GATA6: variants seen among roughly 807,000 people sequenced by gnomAD.
The protein encoded by GATA6 is transcription factor GATA-6.
A neutral mutation model predicts 48.1 loss-of-function variants in GATA6; 11 were observed. That is an observed-to-expected ratio of 0.23 (90% CI 0.14 to 0.38). The LOEUF (loss-of-function observed/expected upper bound fraction) is 0.38. Ranked by LOEUF, GATA6 falls within the 10% of genes least tolerant of loss-of-function variation. GATA6 has a pLI of 1.00. For missense variants in GATA6, 795 were observed against 850.3 expected, an observed-to-expected ratio of 0.93 and a Z score of 0.81; for synonymous variants, 419 against 396.1, an observed-to-expected ratio of 1.06 and a Z score of -0.69.
chr18:22,200,081 A>G (rs911519538), intron 6 of GATA6, among the ~76,000 whole-genome samples: 2 of 152,152 alleles, frequency 1.3e-5, no homozygotes, highest in East Asian at 3.9e-4. Context: ...CATGAAGTCA[A>G]TGTTCAAAAA....
rs1468667356 is a variant in GATA6, at chr18:22,202,249, T to C, written c.*1426T>C. On this transcript the variant is annotated 3_prime_UTR_variant, in exon 7 of 7. Coordinates refer to ENST00000269216, the MANE Select transcript of GATA6 (RefSeq NM_005257.6). ...TATTATATTTGAGATGATAAGCATT[T>C]TGTTTGGGAACAATGCTTAAAAATA... 6.6e-6 allele frequency: 1 copy of C among 152,220 alleles called. No homozygotes were observed. The highest frequency in any genetic ancestry group is 1.5e-5 in the Non-Finnish European group (1 of 68,048). 9.4% of individuals were successfully genotyped at this position (152,220 alleles called of 1,614,324 possible).
At chr18:22,191,569 T>C (rs1348624733) in intron 6 of GATA6, among the ~76,000 whole-genome samples, 2 of 152,228 alleles carry the variant, frequency 1.3e-5, no homozygotes, top group African/African-American at 4.8e-5. Flanking sequence ...GAAGAGTTAC[T>C]AGCAGTATGA....
intron 6 of GATA6, among the ~76,000 whole-genome samples, chr18:22,197,043 A>G (rs964461136): frequency 3.3e-5 from 5 of 151,792 alleles, no homozygotes; most frequent in Non-Finnish European, 5.9e-5. Context: ...CTGTTCTCAG[A>G]CACTGTTACA....
chr18:22,179,805 G>A (rs977733283), intron 3 of GATA6, among the ~76,000 whole-genome samples: 9 of 152,190 alleles, frequency 5.9e-5, no homozygotes, highest in South Asian at 2.1e-4. Context: ...AAGGCAAATT[G>A]ATTCTTAGCA....
At chr18:22,169,875 CTT>C (rs2143269231) in intron 1 of GATA6, among the ~76,000 whole-genome samples, 193 bp downstream of exon 1, 1 of 152,342 alleles carries the variant, frequency 6.6e-6, no homozygotes, top group Admixed American at 6.5e-5. Flanking sequence ...CTTCTAGTCT[CTT>C]TTTCTCTCCT....
Position 22,182,972 on chromosome 18 carries a change from A to G in GATA6, c.1549A>G (p.Thr517Ala), listed in dbSNP as rs1471948576. 1.2e-6 allele frequency: 2 copies of G among 1,613,992 alleles called. No homozygotes were observed. The highest frequency in any genetic ancestry group is 1.1e-5 in the South Asian group (1 of 91,092). The change falls in exon 6 of 7, where the codon ACT becomes GCT. Residue 517 changes from threonine to alanine, a missense_variant. Physicochemically the swap from Thr to Ala is moderately conservative, Grantham distance 58. This residue lies in a region of GATA6 where 103 missense variants were observed against 103.7 expected (regional missense o/e 0.99). Coordinates refer to ENST00000269216, the MANE Select transcript of GATA6 (RefSeq NM_005257.6). ...NSNNSIPMTPTSTSSNSDDCS... is the reference protein window; with the variant it reads ...NSNNSIPMTPASTSSNSDDCS... ...CAATAATTCCATTCCCATGACTCCAACTTCCACCTCTTCTAACTCAGATGA... is the reference window on the plus strand; with the variant it reads ...CAATAATTCCATTCCCATGACTCCAGCTTCCACCTCTTCTAACTCAGATGA...
chr18:22,197,711 C>T (rs1680100452), intron 6 of GATA6, among the ~76,000 whole-genome samples: 1 of 152,158 alleles, frequency 6.6e-6, no homozygotes, highest in Non-Finnish European at 1.5e-5. Flanking sequence ...ATGTGAGGAC[C>T]CAGGCACAGA....
intron 4 of GATA6, among the ~76,000 whole-genome samples, 183 bp downstream of exon 4, chr18:22,181,761 C>T (rs2033198701): frequency 6.6e-6 from 1 of 152,040 alleles, no homozygotes; most frequent in African/African-American, 2.4e-5. Flanking sequence ...ATTGAAGGTG[C>T]TTTTAATTAT....
chr18:22,180,264 T>G (rs2033176542), intron 3 of GATA6: 1 of 152,226 alleles, frequency 6.6e-6, no homozygotes, highest in East Asian at 1.9e-4. Flanking sequence ...TTAAAGTAAT[T>G]TACAGCATTT....
intron 6 of GATA6, among the ~76,000 whole-genome samples, chr18:22,192,716 TTAGAA>T (rs1860877429): frequency 6.6e-6 from 1 of 152,240 alleles, no homozygotes; most frequent in Admixed American, 6.5e-5. Context: ...AATTTGAAGA[TTAGAA>T]TAGTGTAATT....
At chr18:22,190,087 G>A (rs2033309120) in intron 6 of GATA6, among the ~76,000 whole-genome samples, 1 of 152,140 alleles carries the variant, frequency 6.6e-6, no homozygotes, top group African/African-American at 2.4e-5. Context: ...TAAAGAAATT[G>A]GACTAGTTTG....
intron 4 of GATA6, 135 bp downstream of exon 4, chr18:22,181,713 TTAATA>T: frequency 1.1e-6 from 1 of 881,468 alleles, no homozygotes; most frequent in Non-Finnish European, 1.8e-6. Flanking sequence ...CTGAATATGT[TTAATA>T]TATTCAGTGT....
chr18:22,180,689 T>TTA (rs1555629437), intron 3 of GATA6, among the ~76,000 whole-genome samples: 3 of 150,754 alleles, frequency 2.0e-5, no homozygotes, highest in African/African-American at 2.4e-5. Flanking sequence ...TTTTTTTTTT[T>TTA]AAAAAAAACT....
Position 22,182,881 on chromosome 18 carries a change from T to C in GATA6, c.1516+37T>C, listed in dbSNP as rs1246720783. ...AAAATGACGTTTGACTGTAAAGTATTTGCCAACCTTAACAGTAGAGCATAT... is the reference window on the plus strand; with the variant it reads ...AAAATGACGTTTGACTGTAAAGTATCTGCCAACCTTAACAGTAGAGCATAT... On this transcript the variant is annotated intron_variant, in intron 5 of 6. Transcript: ENST00000269216. 3 of 1,597,032 alleles carry C rather than the reference T, an allele frequency of 1.9e-6. No homozygotes were observed. In the Admixed American group the frequency reaches 5.0e-5, roughly 27 times the overall value.
rs1598741108 is a variant in GATA6 at position 22,192,485 on chromosome 18, G to A, written c.1621-8171G>A. Among the ~76,000 whole-genome samples, 8 of 152,104 alleles carry A rather than the reference G, an allele frequency of 5.3e-5. No individual in the cohort carries two copies. In the South Asian group the frequency reaches 1.7e-3, roughly 32 times the overall value. On this transcript the variant is annotated intron_variant, in intron 6 of 6. Coordinates refer to ENST00000269216, the MANE Select transcript of GATA6 (RefSeq NM_005257.6). Reference sequence around the variant, plus strand: ...GAAAGTAACCACATTTTAGAGATTTGTATTTCACTGATAGCAAATTTTTTA... The same window carrying A: ...GAAAGTAACCACATTTTAGAGATTTATATTTCACTGATAGCAAATTTTTTA...
rs2033197505 is a variant in GATA6, at chr18:22,181,639, A to C, written c.1428+61A>C. ...TAGTATCTGGTTTGTATGTGATATC[A>C]GTTACAAAGAATCAGCAAATGAAAG... On this transcript the variant is annotated intron_variant, in intron 4 of 6. Transcript: ENST00000269216. The C allele has an allele frequency of 2.5e-6, 4 of 1,586,828 alleles. No homozygotes were observed. The South Asian group carries it at 3.3e-5, about 13-fold the overall frequency.
In GATA6 at chr18:22,201,744, AC is replaced by A. The variant is rs1325479977; in HGVS notation, c.*926del. Reference sequence around the variant, plus strand: ...AATTTTTATACAAGAACACCAATATACCCCCTTTATTTTACTGTGGAATATG... The same window carrying A: ...AATTTTTATACAAGAACACCAATATACCCCTTTATTTTACTGTGGAATATG... On this transcript the variant is annotated 3_prime_UTR_variant, in exon 7 of 7. Coordinates refer to ENST00000269216, the MANE Select transcript of GATA6 (RefSeq NM_005257.6). The A allele has an allele frequency of 6.6e-6, 1 of 152,572 alleles. No homozygotes were observed. The highest frequency in any genetic ancestry group is 6.5e-5 in the Admixed American group (1 of 15,274). The allele number at this position is 152,572 out of a possible 1,614,324, so 9.5% of individuals were successfully genotyped here.
intron 6 of GATA6, among the ~76,000 whole-genome samples, chr18:22,189,103 G>T (rs1301740502): frequency 6.6e-6 from 1 of 152,128 alleles, no homozygotes; most frequent in Admixed American, 6.5e-5. Context: ...GTAAATAGGC[G>T]TCATCGTTCC....
At position 22,170,443 on chromosome 18, in the gene GATA6, A is replaced by T. The variant is rs938740471; in HGVS notation, c.-37-665A>T. Among the ~76,000 whole-genome samples, 19 of 152,070 alleles carry T rather than the reference A, an allele frequency of 1.2e-4. No individual in the cohort carries two copies. Among genetic ancestry groups the T allele is most frequent in the African/African-American group, 4.3e-4 (18 of 41,398 alleles). ...ATTGCCTCTGCTGGGAAGGACCCAGACTGCTGCCCCCGCCCTGGCGTCCCA... is the reference window on the plus strand; with the variant it reads ...ATTGCCTCTGCTGGGAAGGACCCAGTCTGCTGCCCCCGCCCTGGCGTCCCA... On this transcript the variant is annotated intron_variant, in intron 1 of 6. Transcript: ENST00000269216. This position sits in a 1 kb window ranked among gnomAD's most constrained non-coding sequence, Gnocchi z 6.7.
Sources: allele counts gnomAD v4.1 joint callset (sites outside exome capture counted in the v4.1 genomes callset), GRCh38; gene constraint gnomAD v4.1.1; regional missense constraint gnomAD v4.1.1; non-coding constraint Gnocchi (gnomAD v3.1); transcripts MANE v1.5; gene names NCBI Gene and HGNC (gene_info 2026-07-23, HGNC 2026-07-21).